The following USP10 variants were observed in gnomAD, a reference collection of about 807,000 sequenced individuals.
USP10 encodes the protein ubiquitin specific peptidase 10.
USP10 carries 22 observed loss-of-function variants against 84.5 expected under a neutral mutation model. The ratio of observed to expected loss-of-function variants is 0.26; its 90% CI spans 0.19 to 0.37. USP10 has a LOEUF of 0.37. Ranked by LOEUF, USP10 falls within the 10% of genes least tolerant of loss-of-function variation. USP10 has a pLI of 1.00. For synonymous variants in USP10, 454 were observed against 387.6 expected (o/e 1.17, Z -2.01); for missense variants, 1,019 against 998.9 (o/e 1.02, Z -0.27).
At chr16:84,700,174 G>C in intron 1 of USP10, 63 bp downstream of exon 1, 1 of 1,171,144 alleles carries the variant, frequency 8.5e-7, no homozygotes, top group Non-Finnish European at 1.1e-6. Flanking sequence ...GGACGCCGCG[G>C]CGGGCGGGCG....
At chr16:84,728,530 G>T (rs1448843400) in intron 1 of USP10, among the ~76,000 whole-genome samples, 1 of 151,872 alleles carries the variant, frequency 6.6e-6, no homozygotes, top group Non-Finnish European at 1.5e-5. Context: ...AATAGAGACG[G>T]GGTTTAGCCA....
chr16:84,754,607 GA>G (rs1912309319), intron 4 of USP10, among the ~76,000 whole-genome samples: 1 of 152,136 alleles, frequency 6.6e-6, no homozygotes, highest in Non-Finnish European at 1.5e-5. Flanking sequence ...AAGAAAAACT[GA>G]AACTGCTTTT....
Position 84,729,545 on chromosome 16 carries a change from T to C in USP10, c.22-3890T>C, listed in dbSNP as rs1010590613. ...GCCATGAGCATATGGGGAATACTCA[T>C]TGTATGGGAGATGGAAATTCTAATC... On this transcript the variant is annotated intron_variant, in intron 1 of 13. Coordinates refer to ENST00000219473, the MANE Select transcript of USP10 (RefSeq NM_005153.3). Among the ~76,000 whole-genome samples, 3 of 152,234 alleles carry C rather than the reference T, an allele frequency of 2.0e-5. No homozygotes were observed. In the East Asian group the frequency reaches 5.8e-4, roughly 29 times the overall value.
Position 84,745,271 on chromosome 16 carries a change from C to T in USP10, c.790C>T (p.Leu264=). Residue 264 remains leucine, a synonymous_variant, in exon 4 of 14, where the codon CTG becomes TTG. Coordinates refer to ENST00000219473, the MANE Select transcript of USP10 (RefSeq NM_005153.3). ...CFPAEAGRDT[L]SRTAGAQPCV... is the part of the protein sequence containing the mutation. ...CCCTGCAGAGGCTGGCAGAGACACCCTGTCAAGGACAGCTGGGGCTCAGCC... is the reference window on the plus strand; with the variant it reads ...CCCTGCAGAGGCTGGCAGAGACACCTTGTCAAGGACAGCTGGGGCTCAGCC... 3 of 1,613,438 alleles carry T rather than the reference C, an allele frequency of 1.9e-6. No homozygotes were observed. The highest frequency in any genetic ancestry group is 2.2e-5 in the East Asian group (1 of 44,888).
chr16:84,707,061 T>C (rs1009204827), intron 1 of USP10, among the ~76,000 whole-genome samples: 1 of 152,194 alleles, frequency 6.6e-6, no homozygotes, highest in Admixed American at 6.5e-5. Context: ...TACAGATGAG[T>C]AAGATAAGAC....
intron 1 of USP10, among the ~76,000 whole-genome samples, chr16:84,706,371 G>A (rs961057411): frequency 7.9e-5 from 12 of 151,746 alleles, no homozygotes; most frequent in Admixed American, 3.3e-4. Context: ...GCAGTTTTAG[G>A]TTCACAGCAA....
Position 84,745,663 on chromosome 16 carries a change from A to G in USP10, c.1182A>G (p.Ile394Met), listed in dbSNP as rs1180461936. The G allele has an allele frequency of 6.2e-7, 1 of 1,610,054 alleles. No homozygotes were observed. Among genetic ancestry groups the G allele is most frequent in the Non-Finnish European group, 8.5e-7 (1 of 1,177,996 alleles). Residue 394 changes from isoleucine to methionine, a missense_variant, in exon 4 of 14, where the codon ATA (isoleucine) becomes ATG (methionine). Ile to Met is a conservative substitution (Grantham distance 10). Around this residue, in one of 2 missense-constraint regions of USP10, gnomAD observed 787 missense variants for 708.8 expected, o/e 1.11. Transcript: ENST00000219473. ...CGGTTTCAGAGGATCCTGTAGCCAT[A>G]AAGATTGCAGGTATAGTTGAAAAGA... ...LVPVSEDPVA[I>M]KIAELLENVT...
rs757497403 is a variant in USP10, at chr16:84,764,297, C to T, written c.1832+34C>T. On this transcript the variant is annotated intron_variant, in intron 10 of 13. Transcript: ENST00000219473. ...TTTTCTGGAATAACTTAATATTTGCCTTTTCTAGGGTTTTGCCATGTTGGT... is the reference window on the plus strand; with the variant it reads ...TTTTCTGGAATAACTTAATATTTGCTTTTTCTAGGGTTTTGCCATGTTGGT... 20 of 1,613,490 alleles carry T rather than the reference C, an allele frequency of 1.2e-5. No individual in the cohort carries two copies. The Admixed American group carries it at 2.3e-4, about 19-fold the overall frequency.
chr16:84,700,497 G>T (rs1904714914), intron 1 of USP10, among the ~76,000 whole-genome samples: 2 of 152,062 alleles, frequency 1.3e-5, no homozygotes, highest in Admixed American at 1.3e-4. Context: ...CCCCTGGAGC[G>T]CAGGGGCCCC....
intron 4 of USP10, among the ~76,000 whole-genome samples, chr16:84,757,399 GGGGGTGTGTGTGTGTGTGT>G (rs1912692455): frequency 1.6e-4 from 11 of 70,528 alleles, no homozygotes; most frequent in Middle Eastern, 7.1e-3. Flanking sequence ...TGAGAGGGGT[GGGGGTGTGTGTGTGTGTGT>G]GTGTGTGTGT....
intron 13 of USP10, among the ~76,000 whole-genome samples, chr16:84,778,392 A>G (rs1473683468): frequency 2.6e-5 from 4 of 152,246 alleles, no homozygotes; most frequent in African/African-American, 9.6e-5. Context: ...ATTCCACGAA[A>G]AAATAAATTG....
Position 84,733,489 on chromosome 16 carries a change from C to G in USP10, c.76C>G (p.Arg26Gly). The change falls in exon 2 of 14, where the codon CGA becomes GGA. Residue 26 changes from arginine (R) to glycine (G), a missense_variant. Transcript: ENST00000219473. ...DEFNQFFVTPRSSVELPPYSG... is the reference protein window; with the variant it reads ...DEFNQFFVTPGSSVELPPYSG... Reference sequence around the variant, plus strand: ...ATTCAATCAATTCTTTGTGACTCCTCGATCTTCAGTTGAGGTAAGACAAAA... The same window carrying G: ...ATTCAATCAATTCTTTGTGACTCCTGGATCTTCAGTTGAGGTAAGACAAAA... 1 of 1,609,322 alleles carries G rather than the reference C, an allele frequency of 6.2e-7. No homozygotes were observed. Among genetic ancestry groups the G allele is most frequent in the Non-Finnish European group, 8.5e-7 (1 of 1,178,674 alleles).
At position 84,745,651 on chromosome 16, in the gene USP10, T is replaced by A; in HGVS notation, c.1170T>A (p.Asp390Glu). 1 of 1,611,300 alleles carries A rather than the reference T, an allele frequency of 6.2e-7. No individual in the cohort carries two copies. Among genetic ancestry groups the A allele is most frequent in the East Asian group, 2.2e-5 (1 of 44,854 alleles). Residue 390 changes from aspartate (D) to glutamate (E), a missense_variant, in exon 4 of 14, where the codon GAT (aspartate) becomes GAA (glutamate). Asp to Glu is a conservative substitution (Grantham distance 45, BLOSUM62 2). This residue lies in a region of USP10 where 787 missense variants were observed against 708.8 expected (regional missense o/e 1.11). Transcript: ENST00000219473. ...AAGGGCTTGTTCCGGTTTCAGAGGA[T>A]CCTGTAGCCATAAAGATTGCAGGTA... ...VKEGLVPVSE[D>E]PVAIKIAELL...
At chr16:84,727,176 G>A (rs540095067) in intron 1 of USP10, among the ~76,000 whole-genome samples, 6 of 152,262 alleles carry the variant, frequency 3.9e-5, no homozygotes, top group African/African-American at 1.4e-4. Flanking sequence ...TTAGTCTCCC[G>A]TGTGAACTGA....
chr16:84,758,953 G>T (rs752911087), intron 5 of USP10, 146 bp downstream of exon 5: 22 of 657,960 alleles, frequency 3.3e-5, no homozygotes, highest in African/African-American at 5.4e-5. Context: ...TGCCTACCTT[G>T]CTTATAAACA....
chr16:84,774,678 G>A (rs775422779), intron 12 of USP10, among the ~76,000 whole-genome samples: 4 of 152,054 alleles, frequency 2.6e-5, no homozygotes, highest in African/African-American at 4.8e-5. Flanking sequence ...CACTGTATTA[G>A]CCAGGATGGT....
At chr16:84,719,875 TAAACTGAGACAGC>T (rs1467073892) in intron 1 of USP10, among the ~76,000 whole-genome samples, 1 of 151,608 alleles carries the variant, frequency 6.6e-6, no homozygotes, top group African/African-American at 2.4e-5. Context: ...AGGTGAAGGT[TAAACTGAGACAGC>T]AAACAGTGGA....
intron 1 of USP10, among the ~76,000 whole-genome samples, chr16:84,715,230 C>T (rs1906860157): frequency 6.6e-6 from 1 of 152,064 alleles, no homozygotes; most frequent in Non-Finnish European, 1.5e-5. Flanking sequence ...ACTCCCGGCC[C>T]ATTTATAAAA....
chr16:84,718,176 T>A (rs1275628947), intron 1 of USP10, among the ~76,000 whole-genome samples: 6 of 152,186 alleles, frequency 3.9e-5, no homozygotes, highest in Non-Finnish European at 1.5e-5. Context: ...TTTCAGTGAA[T>A]TAAAAGCAAA....
Sources: gnomAD v4.1 joint callset for allele counts (sites outside exome capture counted in the v4.1 genomes callset) on GRCh38, gnomAD v4.1.1 for gene constraint, gnomAD v4.1.1 regional missense constraint, MANE v1.5 for transcripts, NCBI Gene and HGNC (gene_info 2026-07-23, HGNC 2026-07-21) for gene names.